Variants in FNBP1 observed in about 807,000 individuals in gnomAD.
The protein encoded by FNBP1 is formin-binding protein 1.
A neutral mutation model predicts 90.6 loss-of-function variants in FNBP1; 26 were observed. That is an observed-to-expected ratio of 0.29 (90% CI 0.21 to 0.40). The LOEUF (loss-of-function observed/expected upper bound fraction) is 0.40, where lower values mean the gene tolerates loss of function less well. FNBP1 is among the 10% of genes least tolerant of loss of function. The pLI is 1.00. For missense variants in FNBP1, 635 were observed against 768.0 expected, an observed-to-expected ratio of 0.83 and a Z score of 2.05; for synonymous variants, 260 against 265.2, an observed-to-expected ratio of 0.98 and a Z score of 0.19.
At chr9:130,049,664 G>A in the FNBP1 span, among the ~76,000 whole-genome samples, 17 of 150,586 alleles carry the variant, frequency 1.1e-4, no homozygotes, top group East Asian at 3.9e-4. Flanking sequence ...TTGCACCACC[G>A]CACTCCAGCC....
At position 129,957,002 on chromosome 9, in the gene FNBP1, T is replaced by C. The variant is rs1226133839; in HGVS notation, c.513+358A>G. 6.6e-6 allele frequency among the ~76,000 whole-genome samples: 1 copy of C among 151,370 alleles called. No homozygotes were observed. The highest frequency in any genetic ancestry group is 1.5e-5 in the Non-Finnish European group (1 of 67,888). ...GGGATGGGTGGTCGGTGATGAACAC[T>C]CACAGGGGAAATGAAAGACACACTT... On this transcript the variant is annotated intron_variant, in intron 6 of 16. Transcript: ENST00000446176. The surrounding 1 kb of genome is among the most constrained non-coding windows in gnomAD (Gnocchi z 4.3).
chr9:130,053,625 G>C, the FNBP1 span: 1 of 421,330 alleles, frequency 2.4e-6, no homozygotes, highest in East Asian at 5.1e-5. Context: ...GCCCAAGGTC[G>C]CTTCCAAAGC....
At chr9:129,945,747 A>T (rs76618199) in intron 6 of FNBP1, among the ~76,000 whole-genome samples, 1 of 152,194 alleles carries the variant, frequency 6.6e-6, no homozygotes, top group Non-Finnish European at 1.5e-5. Context: ...TTGTTTTCTT[A>T]AGATAATTAT....
upstream of FNBP1, among the ~76,000 whole-genome samples, chr9:130,043,355 G>A (rs905819465): frequency 1.3e-5 from 2 of 152,084 alleles, no homozygotes; most frequent in Non-Finnish European, 2.9e-5. Flanking sequence ...GGGTCCGGAA[G>A]GACGCGGAGG....
intron 1 of FNBP1, 126 bp from the exon 2 acceptor site, chr9:129,995,084 T>TG: frequency 3.2e-6 from 2 of 625,270 alleles, no homozygotes; most frequent in Admixed American, 6.6e-5. Context: ...TGATTATACT[T>TG]GGGGTGCTTT....
chr9:130,022,298 G>A (rs1427497781), intron 1 of FNBP1, among the ~76,000 whole-genome samples: 1 of 151,822 alleles, frequency 6.6e-6, no homozygotes, highest in East Asian at 1.9e-4. Flanking sequence ...TCTGCCTCCT[G>A]GGTTCAAGCA....
chr9:129,975,664 G>A lies in FNBP1; in HGVS notation c.345+2801C>T, dbSNP rs200057431. On this transcript the variant is annotated intron_variant, in intron 4 of 16. Transcript: ENST00000446176. ...CGCTTGTAATCCCAGCAGTTTGGGA[G>A]GCCAAGACGGGTGGATCATTTGAGG... 2.0e-5 allele frequency among the ~76,000 whole-genome samples: 3 copies of A among 152,244 alleles called. No individual in the cohort carries two copies. The East Asian group carries it at 5.8e-4, about 29-fold the overall frequency.
intron 4 of FNBP1, among the ~76,000 whole-genome samples, chr9:129,967,410 G>A (rs1246212124): frequency 6.6e-6 from 1 of 152,188 alleles, no homozygotes; most frequent in Admixed American, 6.5e-5. Context: ...CAGCTACTTG[G>A]GAGGCTGAGG....
rs980370759 is a variant in FNBP1, at chr9:129,993,614, C to T, written c.140+1229G>A. On this transcript the variant is annotated intron_variant, in intron 2 of 16. Coordinates refer to ENST00000446176, the MANE Select transcript of FNBP1 (RefSeq NM_015033.3). ...TGCAGGCATGAGCCACCACACCTGG[C>T]CCCAAAGCACTTTTTTTTTTTTTTT... Among the ~76,000 whole-genome samples the T allele has an allele frequency of 1.1e-4, 14 of 128,344 alleles. No homozygotes were observed. In the East Asian group the frequency reaches 2.6e-3, roughly 24 times the overall value. 84.2% of individuals were successfully genotyped at this position (128,344 alleles called of 152,430 possible).
intron 10 of FNBP1, among the ~76,000 whole-genome samples, chr9:129,923,439 C>G (rs140392615): frequency 6.6e-6 from 1 of 151,722 alleles, no homozygotes; most frequent in Non-Finnish European, 1.5e-5. Context: ...AGTAGCTGGG[C>G]GTGGTGGCAT....
chr9:130,011,269 A>AT (rs1322193913), intron 1 of FNBP1, among the ~76,000 whole-genome samples: 1,434 of 34,622 alleles, frequency 0.041, 68 homozygotes, highest in South Asian at 0.084. Flanking sequence ...TATATATATA[A>AT]AATATATATA....
At chr9:129,929,451 A>T (rs1428233243) in intron 7 of FNBP1, 116 bp downstream of exon 7, 3 of 828,366 alleles carry the variant, frequency 3.6e-6, no homozygotes, top group Non-Finnish European at 5.6e-6. Flanking sequence ...GGAAATTTGG[A>T]ATTATATAAA....
Position 130,016,378 on chromosome 9 carries a change from CA to C in FNBP1, c.25-21421del, listed in dbSNP as rs571492405. 4.8e-3 allele frequency among the ~76,000 whole-genome samples: 728 copies of C among 152,276 alleles called. 8 individuals are homozygous for C. The highest frequency in any genetic ancestry group is 0.016 in the African/African-American group (658 of 41,562). ...AGTTCTAACATGAGTTTCTTCTTCA[CA>C]ATACCTGATTCATCACATCCCCCAC... On this transcript the variant is annotated intron_variant, in intron 1 of 16. Coordinates refer to ENST00000446176, the MANE Select transcript of FNBP1 (RefSeq NM_015033.3).
chr9:129,989,790 C>A (rs774338207), intron 2 of FNBP1, among the ~76,000 whole-genome samples: 4 of 152,208 alleles, frequency 2.6e-5, no homozygotes, highest in Non-Finnish European at 5.9e-5. Context: ...GTAATCCCAG[C>A]ACTTTGGGAG....
intron 1 of FNBP1, among the ~76,000 whole-genome samples, chr9:130,027,866 T>A: frequency 6.6e-6 from 1 of 151,754 alleles, no homozygotes; most frequent in African/African-American, 2.4e-5. Context: ...GTTTTAAAAG[T>A]AAGTATCCTA....
intron 4 of FNBP1, among the ~76,000 whole-genome samples, chr9:129,971,152 A>G (rs1349347939): frequency 6.6e-6 from 1 of 151,730 alleles, no homozygotes; most frequent in Non-Finnish European, 1.5e-5. Context: ...CCGCCTCCCA[A>G]AGTTCTGGGA....
chr9:129,926,752 T>G (rs1019628037), intron 8 of FNBP1, among the ~76,000 whole-genome samples: 2 of 151,602 alleles, frequency 1.3e-5, no homozygotes, highest in Non-Finnish European at 2.9e-5. Flanking sequence ...CTGGGCGTGG[T>G]GCGGGCGCCT....
In FNBP1 at chr9:129,926,861, G is replaced by A. The variant is rs2041998643; in HGVS notation, c.789+334C>T. On this transcript the variant is annotated intron_variant, in intron 8 of 16. Coordinates refer to ENST00000446176, the MANE Select transcript of FNBP1 (RefSeq NM_015033.3). ...AGATCACGCCACTGCACTGCAGCCT[G>A]GGCAACAGAGCGAGATTCCATCTCA... Among the ~76,000 whole-genome samples the A allele has an allele frequency of 2.0e-5, 3 of 150,822 alleles. No individual in the cohort carries two copies. In the Admixed American group the frequency reaches 2.0e-4, roughly 10 times the overall value.
rs1189054849 is a variant in FNBP1, at chr9:130,042,594, C to G, written c.24+358G>C. Among the ~76,000 whole-genome samples the G allele has an allele frequency of 2.0e-5, 3 of 151,722 alleles. No individual in the cohort carries two copies. Among genetic ancestry groups the G allele is most frequent in the African/African-American group, 7.2e-5 (3 of 41,382 alleles). ...CGCAGCCGGGGCCTCCACGCCCCCA[C>G]GCCCGGTCCCGGCCCTCCCCGGGCA... On this transcript the variant is annotated intron_variant, in intron 1 of 16. Transcript: ENST00000446176. This position sits in a 1 kb window ranked among gnomAD's most constrained non-coding sequence, Gnocchi z 5.5.
Sources: gnomAD v4.1 joint callset for allele counts (sites outside exome capture counted in the v4.1 genomes callset) on GRCh38, gnomAD v4.1.1 for gene constraint, Gnocchi (gnomAD v3.1) non-coding constraint, MANE v1.5 for transcripts, NCBI Gene and HGNC (gene_info 2026-07-23, HGNC 2026-07-21) for gene names.